Variants in KIRREL3 observed in about 807,000 individuals in gnomAD.
KIRREL3 encodes kirre like nephrin family adhesion molecule 3, also known as kin of IRRE-like protein 3.
KIRREL3 carries 36 observed loss-of-function variants against 89.7 expected under a neutral mutation model. The ratio of observed to expected loss-of-function variants is 0.40; its 90% CI spans 0.31 to 0.53. The LOEUF (loss-of-function observed/expected upper bound fraction) is 0.53, where lower values mean the gene tolerates loss of function less well. Among genes scored for constraint, KIRREL3 ranks in the 20% least tolerant of loss-of-function variants. KIRREL3 has a pLI of 0.49. For synonymous variants in KIRREL3, 445 were observed against 441.4 expected (o/e 1.01, Z -0.10); for missense variants, 864 against 1,056.6 (o/e 0.82, Z 2.53).
rs532505944 is a variant in KIRREL3, at chr11:126,797,235, C to T, written c.55+203220G>A. ...ATGGGACCAATTTGAATTTAGATCC[C>T]ACCTCTGCCACTTATTGACCTCTCT... On this transcript the variant is annotated intron_variant, in intron 1 of 16. Coordinates refer to ENST00000525144, the MANE Select transcript of KIRREL3 (RefSeq NM_032531.4). The surrounding 1 kb of genome is among the most constrained non-coding windows in gnomAD (Gnocchi z 4.9). Among the ~76,000 whole-genome samples, 1 of 152,252 alleles carries T rather than the reference C, an allele frequency of 6.6e-6. No individual in the cohort carries two copies. The highest frequency in any genetic ancestry group is 2.1e-4 in the South Asian group (1 of 4,824).
At chr11:127,003,074 C>T (rs1950342373), upstream of KIRREL3, 1 of 152,204 alleles carries the variant, frequency 6.6e-6, no homozygotes, top group South Asian at 2.1e-4. Context: ...CCTCTCCACT[C>T]CCCTCTACTC....
At position 126,771,373 on chromosome 11, in the gene KIRREL3, C is replaced by G. The variant is rs1950016519; in HGVS notation, c.56-208461G>C. ...AATACCTGCTTACAGAGCCCATATT[C>G]CTTTCCACTCTACAATGCTCCCTGC... On this transcript the variant is annotated intron_variant, in intron 1 of 16. Coordinates refer to ENST00000525144, the MANE Select transcript of KIRREL3 (RefSeq NM_032531.4). The surrounding 1 kb of genome is among the most constrained non-coding windows in gnomAD (Gnocchi z 4.4). Among the ~76,000 whole-genome samples, 1 of 152,076 alleles carries G rather than the reference C, an allele frequency of 6.6e-6. No individual in the cohort carries two copies. Among genetic ancestry groups the G allele is most frequent in the South Asian group, 2.1e-4 (1 of 4,822 alleles).
At chr11:126,864,451 G>A (rs1357361795) in intron 1 of KIRREL3, among the ~76,000 whole-genome samples, 1 of 152,236 alleles carries the variant, frequency 6.6e-6, no homozygotes, top group African/African-American at 2.4e-5. Flanking sequence ...ACATGTGACA[G>A]CCACATGGTA....
In KIRREL3 at chr11:126,642,828, G is replaced by T. The variant is rs906415817; in HGVS notation, c.56-79916C>A. On this transcript the variant is annotated intron_variant, in intron 1 of 16. Transcript: ENST00000525144. The surrounding 1 kb of genome is among the most constrained non-coding windows in gnomAD (Gnocchi z 4.9). ...TTTTGTATGTGCAAAATTCTGAACT[G>T]TACATCCAGTTGAACAAAGTAAACA... is the stretch of plus-strand genomic sequence containing the variant. Among the ~76,000 whole-genome samples the T allele has an allele frequency of 2.0e-5, 3 of 152,182 alleles. No individual in the cohort carries two copies. The highest frequency in any genetic ancestry group is 7.2e-5 in the African/African-American group (3 of 41,442).
At chr11:126,942,584 G>C (rs1019270535) in intron 1 of KIRREL3, among the ~76,000 whole-genome samples, 1 of 152,198 alleles carries the variant, frequency 6.6e-6, no homozygotes, top group South Asian at 2.1e-4. Flanking sequence ...GCACTGTGGA[G>C]TGACAGCCAG....
At chr11:126,922,001 ATCT>A (rs1382008479) in intron 1 of KIRREL3, among the ~76,000 whole-genome samples, 4 of 133,798 alleles carry the variant, frequency 3.0e-5, no homozygotes, top group South Asian at 2.3e-4. Context: ...CTATCTATCT[ATCT>A]ATCATCTATC....
At position 126,844,259 on chromosome 11, in the gene KIRREL3, C is replaced by T. The variant is rs961242158; in HGVS notation, c.55+156196G>A. On this transcript the variant is annotated intron_variant, in intron 1 of 16. Transcript: ENST00000525144. The surrounding 1 kb of genome is among the most constrained non-coding windows in gnomAD (Gnocchi z 4.8). ...AGAGACAATACTGAGAAAACCCCGA[C>T]CCAAATGCTAACTTTGGGTAAGTGG... is the stretch of plus-strand genomic sequence containing the variant. Among the ~76,000 whole-genome samples the T allele has an allele frequency of 2.0e-5, 3 of 151,958 alleles. No individual in the cohort carries two copies. The highest frequency in any genetic ancestry group is 6.6e-5 in the Admixed American group (1 of 15,248).
At chr11:126,456,057 T>TTTTTTC (rs147218473) in intron 7 of KIRREL3, among the ~76,000 whole-genome samples, 7 of 109,742 alleles carry the variant, frequency 6.4e-5, no homozygotes, top group Non-Finnish European at 1.1e-4. Context: ...TTTTTTTTTT[T>TTTTTTC]CCTGAGCCTT....
chr11:126,456,374 C>T lies in KIRREL3; in HGVS notation c.823G>A (p.Ala275Thr). ...NVVTFHCSAK[A>T]NPAVTQYRWA... ...CTGTACTGGGTGACAGCTGGGTTGG[C>T]CTTTGCAGAGCAGTGGAAAGTGACG... Residue 275 changes from alanine (A) to threonine (T), a missense_variant, in exon 7 of 17, where the codon GCC becomes ACC. Coordinates refer to ENST00000525144, the MANE Select transcript of KIRREL3 (RefSeq NM_032531.4). 6.3e-7 allele frequency: 1 copy of T among 1,590,244 alleles called. No individual in the cohort carries two copies.
At position 126,476,664 on chromosome 11, in the gene KIRREL3, T is replaced by TGGGGGGGGGGGGGGG. The variant is rs58169991; in HGVS notation, c.434-3199_434-3198insCCCCCCCCCCCCCCC. The stretch of plus-strand genomic sequence containing the variant: ...CTGCACACCAGATGGGGGTGGGGGC[T>TGGGGGGGGGGGGGGG]GGGGGGGGGTGGGGGTTGGTGAGGA... On this transcript the variant is annotated intron_variant, in intron 4 of 16. Coordinates refer to ENST00000525144, the MANE Select transcript of KIRREL3 (RefSeq NM_032531.4). This position sits in a 1 kb window ranked among gnomAD's most constrained non-coding sequence, Gnocchi z 6.4. Among the ~76,000 whole-genome samples, 1 of 87,306 alleles carries TGGGGGGGGGGGGGGG rather than the reference T, an allele frequency of 1.1e-5. No individual in the cohort carries two copies. The highest frequency in any genetic ancestry group is 2.6e-5 in the Non-Finnish European group (1 of 38,614). The allele number at this position is 87,306 out of a possible 152,430, so 57.3% of individuals were successfully genotyped here.
At position 126,624,933 on chromosome 11, in the gene KIRREL3, G is replaced by A. The variant is rs638738; in HGVS notation, c.56-62021C>T. On this transcript the variant is annotated intron_variant, in intron 1 of 16. Coordinates refer to ENST00000525144, the MANE Select transcript of KIRREL3 (RefSeq NM_032531.4). The surrounding 1 kb of genome is among the most constrained non-coding windows in gnomAD (Gnocchi z 6.0). ...GGGTGGGGCAGGGACTGCTGATGGC[G>A]TTTCCTAGTCACTCATCACAAGGTC... is the stretch of plus-strand genomic sequence containing the variant. Among the ~76,000 whole-genome samples the A allele has an allele frequency of 0.92, 140,407 of 152,152 alleles. 64,973 individuals are homozygous for A. The highest frequency in any genetic ancestry group is 1 in the East Asian group (5,138 of 5,150).
intron 1 of KIRREL3, among the ~76,000 whole-genome samples, chr11:126,895,657 G>A (rs1046903980): frequency 6.6e-6 from 1 of 152,054 alleles, no homozygotes; most frequent in South Asian, 2.1e-4. Flanking sequence ...GACCCAGCAA[G>A]GGTAACCAGA....
rs959263892 is a variant in KIRREL3 at position 126,531,415 on chromosome 11, C to T, written c.134-4728G>A. ...CTCTCTGCGGGACAACGCCCAACTTCCCATGCTGGATTCTAATCTCCAAAA... is the reference window on the plus strand; with the variant it reads ...CTCTCTGCGGGACAACGCCCAACTTTCCATGCTGGATTCTAATCTCCAAAA... On this transcript the variant is annotated intron_variant, in intron 2 of 16. Coordinates refer to ENST00000525144, the MANE Select transcript of KIRREL3 (RefSeq NM_032531.4). This position sits in a 1 kb window ranked among gnomAD's most constrained non-coding sequence, Gnocchi z 4.7. Among the ~76,000 whole-genome samples, 1 of 152,228 alleles carries T rather than the reference C, an allele frequency of 6.6e-6. No homozygotes were observed. Among genetic ancestry groups the T allele is most frequent in the Non-Finnish European group, 1.5e-5 (1 of 68,044 alleles).
Position 126,876,538 on chromosome 11 carries a change from CTTTT to C in KIRREL3, c.55+123913_55+123916del, listed in dbSNP as rs34978323. On this transcript the variant is annotated intron_variant, in intron 1 of 16. Coordinates refer to ENST00000525144, the MANE Select transcript of KIRREL3 (RefSeq NM_032531.4). The surrounding 1 kb of genome is among the most constrained non-coding windows in gnomAD (Gnocchi z 4.1). The stretch of plus-strand genomic sequence containing the variant: ...CTTACAGTACATACTCATAAATATG[CTTTT>C]TTTTTTTTTTTTTGAGATGGAGTCT... Among the ~76,000 whole-genome samples, 7 of 115,330 alleles carry C rather than the reference CTTTT, an allele frequency of 6.1e-5. No homozygotes were observed. The highest frequency in any genetic ancestry group is 8.9e-5 in the Admixed American group (1 of 11,288). The allele number at this position is 115,330 out of a possible 152,430, so 75.7% of individuals were successfully genotyped here.
chr11:126,542,681 G>T lies in KIRREL3; in HGVS notation c.134-15994C>A, dbSNP rs78477077. Among the ~76,000 whole-genome samples the T allele has an allele frequency of 5.1e-3, 772 of 152,260 alleles. 4 individuals carry two copies. Among genetic ancestry groups the T allele is most frequent in the African/African-American group, 0.018 (744 of 41,550 alleles). ...CACACCTTATCTAGGAAGGGAGGGG[G>T]ATATTAACAGATTTTGCCTTTAAAG... On this transcript the variant is annotated intron_variant, in intron 2 of 16. Coordinates refer to ENST00000525144, the MANE Select transcript of KIRREL3 (RefSeq NM_032531.4).
intron 1 of KIRREL3, among the ~76,000 whole-genome samples, chr11:126,884,328 A>T (rs1945619727): frequency 6.6e-6 from 1 of 152,140 alleles, no homozygotes. Context: ...GTGCCAATCG[A>T]TGGGCCTCCC....
chr11:126,436,123 G>A (rs943119938), intron 12 of KIRREL3, among the ~76,000 whole-genome samples: 4 of 152,200 alleles, frequency 2.6e-5, no homozygotes, highest in Non-Finnish European at 4.4e-5. Context: ...GGACGTCAGC[G>A]CACGGGGGCA....
intron 1 of KIRREL3, among the ~76,000 whole-genome samples, chr11:126,580,722 C>T (rs563002919): frequency 6.6e-6 from 1 of 152,242 alleles, no homozygotes; most frequent in South Asian, 2.1e-4. Flanking sequence ...CAGGACTGCT[C>T]TGCCCTGTCT....
rs1318377253 is a variant in KIRREL3 at position 126,724,324 on chromosome 11, GACAGGCCCCA to G, written c.56-161422_56-161413del. ...CTGTAATATGCTAACCTGATCCTAA[GACAGGCCCCA>G]ACTAGTACACACGCAGATCCATGCA... On this transcript the variant is annotated intron_variant, in intron 1 of 16. Transcript: ENST00000525144. This position sits in a 1 kb window ranked among gnomAD's most constrained non-coding sequence, Gnocchi z 4.3. 1.3e-5 allele frequency among the ~76,000 whole-genome samples: 2 copies of G among 152,162 alleles called. No homozygotes were observed. Among genetic ancestry groups the G allele is most frequent in the African/African-American group, 4.8e-5 (2 of 41,444 alleles).
Sources: allele counts gnomAD v4.1 joint callset (sites outside exome capture counted in the v4.1 genomes callset), GRCh38; gene constraint gnomAD v4.1.1; non-coding constraint Gnocchi (gnomAD v3.1); transcripts MANE v1.5; gene names NCBI Gene and HGNC (gene_info 2026-07-23, HGNC 2026-07-21).